GRIP1: variants seen among roughly 807,000 people sequenced by gnomAD.
GRIP1 encodes glutamate receptor-interacting protein 1.
A neutral mutation model predicts 129.9 loss-of-function variants in GRIP1; 45 were observed. That is an observed-to-expected ratio of 0.35 (90% CI 0.27 to 0.44). The LOEUF (loss-of-function observed/expected upper bound fraction) is 0.44. Ranked by LOEUF, GRIP1 falls within the 20% of genes least tolerant of loss-of-function variation. The pLI is 1.00. For missense variants in GRIP1, 1,196 were observed against 1,396.8 expected, an observed-to-expected ratio of 0.86 and a Z score of 2.29; for synonymous variants, 530 against 520.8, an observed-to-expected ratio of 1.02 and a Z score of -0.24.
intron 1 of GRIP1, among the ~76,000 whole-genome samples, chr12:66,934,756 T>TA (rs1456898990): frequency 6.6e-6 from 1 of 152,222 alleles, no homozygotes; most frequent in African/African-American, 2.4e-5. Context: ...CAAACACAAG[T>TA]AAGTGCTTGT....
chr12:66,539,545 C>CTTTTT (rs35373698), intron 3 of GRIP1, among the ~76,000 whole-genome samples: 5,218 of 58,466 alleles, frequency 0.089, 575 homozygotes, highest in Non-Finnish European at 0.1. Flanking sequence ...TCAAGAGAAG[C>CTTTTT]TTTTTTTTTT....
At chr12:66,458,393 T>C (rs1318096962) in intron 9 of GRIP1, among the ~76,000 whole-genome samples, 2 of 152,138 alleles carry the variant, frequency 1.3e-5, no homozygotes, top group Non-Finnish European at 2.9e-5. Context: ...GTTACTTTTT[T>C]TTTCTTTTGA....
At chr12:66,587,009 G>A (rs969654492) in intron 2 of GRIP1, among the ~76,000 whole-genome samples, 9 of 152,062 alleles carry the variant, frequency 5.9e-5, no homozygotes, top group African/African-American at 1.9e-4. Flanking sequence ...TGGCCTAAAA[G>A]CTCTACAGGA....
At chr12:66,728,964 A>C (rs1001034859) in intron 1 of GRIP1, among the ~76,000 whole-genome samples, 1 of 152,182 alleles carries the variant, frequency 6.6e-6, no homozygotes, top group Admixed American at 6.5e-5. Context: ...GTAATCACTA[A>C]AATGATCCCA....
At chr12:66,774,089 T>C (rs557209421) in intron 1 of GRIP1, among the ~76,000 whole-genome samples, 1 of 152,190 alleles carries the variant, frequency 6.6e-6, no homozygotes, top group East Asian at 1.9e-4. Flanking sequence ...GACAATGAAT[T>C]CAATGAGATA....
intron 15 of GRIP1, among the ~76,000 whole-genome samples, chr12:66,415,623 A>G (rs576494697): frequency 3.6e-4 from 55 of 152,368 alleles, no homozygotes; most frequent in African/African-American, 1.3e-3. Context: ...ATGCACGCTT[A>G]TGTCCACTGC....
intron 1 of GRIP1, among the ~76,000 whole-genome samples, chr12:66,701,914 T>A (rs575801990): frequency 1.3e-5 from 2 of 152,314 alleles, no homozygotes; most frequent in African/African-American, 4.8e-5. Flanking sequence ...CACTCTCTTT[T>A]TAGAACTCTA....
chr12:66,480,225 A>C (rs925493137), intron 7 of GRIP1, among the ~76,000 whole-genome samples: 3 of 152,210 alleles, frequency 2.0e-5, no homozygotes, highest in African/African-American at 7.2e-5. Context: ...GCAAAGTCTT[A>C]GGATACAAAA....
At chr12:66,639,235 C>T (rs4414309) in intron 1 of GRIP1, among the ~76,000 whole-genome samples, 29,977 of 151,978 alleles carry the variant, frequency 0.2, 3,078 homozygotes, top group Non-Finnish European at 0.23. Flanking sequence ...CTACTACTAG[C>T]GAACTGAAGT....
At chr12:66,689,404 C>A (rs1403655419) in intron 1 of GRIP1, among the ~76,000 whole-genome samples, 1 of 152,142 alleles carries the variant, frequency 6.6e-6, no homozygotes, top group East Asian at 1.9e-4. Flanking sequence ...CAATCATTGT[C>A]ATTGTCATCA....
chr12:66,727,731 G>C (rs117678082), intron 1 of GRIP1, among the ~76,000 whole-genome samples: 45 of 152,222 alleles, frequency 3.0e-4, no homozygotes, highest in Middle Eastern at 3.4e-3. Flanking sequence ...AAAGAAGGTA[G>C]AAAAAGACTA....
intron 1 of GRIP1, among the ~76,000 whole-genome samples, chr12:66,650,794 C>G (rs1171559553): frequency 6.6e-6 from 1 of 152,162 alleles, no homozygotes; most frequent in Non-Finnish European, 1.5e-5. Flanking sequence ...GTTTATTCAA[C>G]AAATCTCTAT....
At chr12:66,928,121 C>G (rs1355915315) in intron 1 of GRIP1, among the ~76,000 whole-genome samples, 2 of 152,186 alleles carry the variant, frequency 1.3e-5, no homozygotes, top group Non-Finnish European at 2.9e-5. Context: ...GATCACATCC[C>G]TGTTTATTGT....
chr12:66,614,161 T>C (rs6650228), intron 1 of GRIP1, among the ~76,000 whole-genome samples: 60,560 of 151,834 alleles, frequency 0.4, 12,383 homozygotes, highest in African/African-American at 0.43. Flanking sequence ...CTTCTTTTAT[T>C]TATGCCCCTT....
intron 14 of GRIP1, among the ~76,000 whole-genome samples, chr12:66,425,878 C>T (rs915149071): frequency 2.6e-5 from 4 of 151,970 alleles, no homozygotes; most frequent in South Asian, 2.1e-4. Flanking sequence ...TGCTAAATGA[C>T]GAGTGAATGG....
intron 7 of GRIP1, among the ~76,000 whole-genome samples, chr12:66,481,931 C>T (rs1171241787): frequency 6.6e-6 from 1 of 150,590 alleles, no homozygotes; most frequent in African/African-American, 2.5e-5. Context: ...GGGAACATCA[C>T]ACATCTGGGC....
At chr12:66,545,395 T>TA (rs1330818832) in intron 2 of GRIP1, among the ~76,000 whole-genome samples, 1 of 152,138 alleles carries the variant, frequency 6.6e-6, no homozygotes, top group Non-Finnish European at 1.5e-5. Context: ...TAAGAATATT[T>TA]AAAAACACAG....
intron 1 of GRIP1, among the ~76,000 whole-genome samples, chr12:67,032,799 T>C (rs2043042006): frequency 6.6e-6 from 1 of 152,146 alleles, no homozygotes; most frequent in Non-Finnish European, 1.5e-5. Context: ...AATGAAAGGT[T>C]CAAATGGAAG....
chr12:66,635,638 A>T (rs974470641), intron 1 of GRIP1, among the ~76,000 whole-genome samples: 2 of 152,118 alleles, frequency 1.3e-5, no homozygotes. Flanking sequence ...AGCCACCATA[A>T]AGAGATTGTA....
Sources: allele counts gnomAD v4.1 joint callset (sites outside exome capture counted in the v4.1 genomes callset), GRCh38; gene constraint gnomAD v4.1.1; transcripts MANE v1.5; gene names NCBI Gene and HGNC (gene_info 2026-07-23, HGNC 2026-07-21).